MYH10: variants seen among roughly 807,000 people sequenced by gnomAD.
MYH10 encodes the protein myosin-10.
A neutral mutation model predicts 257.8 loss-of-function variants in MYH10; 55 were observed. The ratio of observed to expected loss-of-function variants is 0.21; its 90% CI spans 0.17 to 0.27. The LOEUF is 0.27. Ranked by LOEUF, MYH10 falls within the 10% of genes least tolerant of loss-of-function variation. MYH10 has a pLI of 1.00. For missense variants in MYH10, 1,631 were observed against 2,500.6 expected (o/e 0.65, Z 7.42); for synonymous variants, 854 against 921.7 (o/e 0.93, Z 1.33).
At chr17:8,543,138 C>T (rs980180429) in intron 13 of MYH10, among the ~76,000 whole-genome samples, 18 of 152,176 alleles carry the variant, frequency 1.2e-4, no homozygotes, top group African/African-American at 4.1e-4. Context: ...ACTGTTCACA[C>T]AGCTGCATGT....
Position 8,493,786 on chromosome 17 carries a change from C to T in MYH10, c.4156G>A (p.Glu1386Lys). The change falls in exon 32 of 43, where the codon GAG becomes AAG. Residue 1386 changes from glutamate to lysine, a missense_variant. Physicochemically the swap from Glu to Lys is moderately conservative, Grantham distance 56. Transcript: ENST00000360416. ...KNSLQEQQEE[E>K]EEARKNLEKQ... ...TCCAGGTTCTTCCTGGCCTCCTCCT[C>T]CTCCTCCTGCTGCTCCTGAAGACTG... is the stretch of plus-strand genomic sequence containing the variant. 6.2e-7 allele frequency: 1 copy of T among 1,614,078 alleles called. No homozygotes were observed. The highest frequency in any genetic ancestry group is 8.5e-7 in the Non-Finnish European group (1 of 1,179,992).
chr17:8,597,927 T>A (rs896767525), intron 3 of MYH10, among the ~76,000 whole-genome samples: 2 of 152,148 alleles, frequency 1.3e-5, no homozygotes, highest in Non-Finnish European at 2.9e-5. Flanking sequence ...CTACTCTGCA[T>A]TGTTTAATGG....
intron 3 of MYH10, among the ~76,000 whole-genome samples, chr17:8,589,998 G>A (rs1440501602): frequency 6.6e-6 from 1 of 152,204 alleles, no homozygotes; most frequent in Non-Finnish European, 1.5e-5. Flanking sequence ...TCTAGCACCT[G>A]TGTGTGTTCT....
chr17:8,511,033 T>TATAC (rs1555578944), intron 24 of MYH10: 3,341 of 11,786 alleles, frequency 0.28, 135 homozygotes, highest in Non-Finnish European at 0.47. Context: ...TATATATATA[T>TATAC]ATATATATAT....
chr17:8,606,144 T>A (rs1168798901), intron 2 of MYH10, among the ~76,000 whole-genome samples: 1 of 152,190 alleles, frequency 6.6e-6, no homozygotes, highest in African/African-American at 2.4e-5. Context: ...GGATCTTCAG[T>A]AAATAAAAGC....
At chr17:8,609,317 T>G (rs116503935) in intron 2 of MYH10, among the ~76,000 whole-genome samples, 98 of 151,854 alleles carry the variant, frequency 6.5e-4, no homozygotes, top group African/African-American at 2.3e-3. Flanking sequence ...ACATCCCAAC[T>G]GTAGCTCTCA....
intron 9 of MYH10, 89 bp downstream of exon 9, chr17:8,551,957 A>C (rs551507096): frequency 1.5e-6 from 1 of 664,650 alleles, no homozygotes; most frequent in Non-Finnish European, 2.3e-6. Context: ...TGTGTGTAAA[A>C]AACTGTTTCC....
chr17:8,564,953 C>G (rs530796026), intron 7 of MYH10, among the ~76,000 whole-genome samples: 1 of 152,226 alleles, frequency 6.6e-6, no homozygotes, highest in Non-Finnish European at 1.5e-5. Context: ...TCTGAAACAC[C>G]TTCTAGATGT....
At chr17:8,516,124 T>C (rs2151892079) in intron 21 of MYH10, among the ~76,000 whole-genome samples, 1 of 152,352 alleles carries the variant, frequency 6.6e-6, no homozygotes, top group East Asian at 1.9e-4. Context: ...GGCTGATTTC[T>C]ATTACACCTG....
At chr17:8,515,881 C>T (rs2081452728) in intron 21 of MYH10, among the ~76,000 whole-genome samples, 1 of 152,102 alleles carries the variant, frequency 6.6e-6, no homozygotes, top group African/African-American at 2.4e-5. Flanking sequence ...GTTTCTACTA[C>T]AAAAACAAAA....
chr17:8,502,882 A>G (rs948716617), intron 28 of MYH10, among the ~76,000 whole-genome samples: 2 of 152,192 alleles, frequency 1.3e-5, no homozygotes, highest in African/African-American at 4.8e-5. Flanking sequence ...CCCAGCTGGG[A>G]GTGGAGAGTT....
At chr17:8,606,905 T>C (rs983594505) in intron 2 of MYH10, among the ~76,000 whole-genome samples, 3 of 152,218 alleles carry the variant, frequency 2.0e-5, no homozygotes, top group African/African-American at 7.2e-5. Context: ...AGTACAGACC[T>C]GGCAAACCCT....
At chr17:8,630,101 C>A (rs964265767) in intron 1 of MYH10, among the ~76,000 whole-genome samples, 3 of 152,060 alleles carry the variant, frequency 2.0e-5, no homozygotes, top group African/African-American at 7.2e-5. Context: ...CAGCAACCCA[C>A]GCAGGGGCCC....
rs80133254 is a variant in MYH10, at chr17:8,585,703, C to A, written c.530+3378G>T. Among the ~76,000 whole-genome samples, 136 of 151,790 alleles carry A rather than the reference C, an allele frequency of 9.0e-4. 1 individual carries two copies. The highest frequency in any genetic ancestry group is 1.4e-3 in the Non-Finnish European group (93 of 67,956). ...TGAGAGAGGTGGAGGTAGGTAAGTA[C>A]GGGGGGACAGGAGAAGGAACTTTCT... On this transcript the variant is annotated intron_variant, in intron 4 of 42. Coordinates refer to ENST00000360416, the MANE Select transcript of MYH10 (RefSeq NM_001256012.3).
At chr17:8,611,466 G>C (rs1406739947) in intron 2 of MYH10, among the ~76,000 whole-genome samples, 2 of 152,030 alleles carry the variant, frequency 1.3e-5, no homozygotes, top group Admixed American at 1.3e-4. Flanking sequence ...TTATTGCCCT[G>C]GGTTACAATA....
At chr17:8,611,936 C>T (rs934476757) in intron 2 of MYH10, among the ~76,000 whole-genome samples, 1 of 152,196 alleles carries the variant, frequency 6.6e-6, no homozygotes, top group African/African-American at 2.4e-5. Context: ...TGCAGTAGTG[C>T]CCCTTATCTG....
rs929661778 is a variant in MYH10 at position 8,569,935 on chromosome 17, T to C, written c.664-123A>G. ...CATCTTTTCCTCAGTTCTTTCATTC[T>C]GTCTGCCATCCAGCAACTTTTGTTG... On this transcript the variant is annotated intron_variant, in intron 6 of 42. Transcript: ENST00000360416. The surrounding 1 kb of genome is among the most constrained non-coding windows in gnomAD (Gnocchi z 4.1). 1.5e-6 allele frequency: 1 copy of C among 686,538 alleles called. No homozygotes were observed. Among genetic ancestry groups the C allele is most frequent in the Non-Finnish European group, 2.3e-6 (1 of 434,224 alleles). The allele number at this position is 686,538 out of a possible 1,614,324, so 42.5% of individuals were successfully genotyped here. A position where few individuals can be genotyped will look rare whatever the true frequency, so the allele number is the denominator to read the frequency against.
At chr17:8,625,213 T>C (rs749955956) in intron 1 of MYH10, among the ~76,000 whole-genome samples, 4 of 152,138 alleles carry the variant, frequency 2.6e-5, no homozygotes, top group Non-Finnish European at 5.9e-5. Context: ...ATCGTGCCAC[T>C]GCACTCCAGG....
In MYH10 at chr17:8,476,981, G is replaced by C; in HGVS notation, c.5774C>G (p.Thr1925Arg). The C allele has an allele frequency of 6.2e-7, 1 of 1,614,154 alleles. No individual in the cohort carries two copies. The highest frequency in any genetic ancestry group is 1.1e-5 in the South Asian group (1 of 91,086). ...RQLEEAEEEA[T>R]RANASRRKLQ... Reference sequence around the variant, plus strand: ...TTTACGCCGAGATGCGTTGGCACGCGTCGCTTCTTCTTCTGCTTCCTCCAG... The same window carrying C: ...TTTACGCCGAGATGCGTTGGCACGCCTCGCTTCTTCTTCTGCTTCCTCCAG... The change falls in exon 42 of 43, where the codon ACG (threonine) becomes AGG (arginine). Residue 1925 changes from threonine to arginine, a missense_variant. Physicochemically the swap from Thr to Arg is moderately conservative, Grantham distance 71. Around this residue, in one of 11 missense-constraint regions of MYH10, gnomAD observed 343 missense variants for 389.5 expected, o/e 0.88. Coordinates refer to ENST00000360416, the MANE Select transcript of MYH10 (RefSeq NM_001256012.3).
Sources: allele counts gnomAD v4.1 joint callset (sites outside exome capture counted in the v4.1 genomes callset), GRCh38; gene constraint gnomAD v4.1.1; regional missense constraint gnomAD v4.1.1; non-coding constraint Gnocchi (gnomAD v3.1); transcripts MANE v1.5; gene names NCBI Gene and HGNC (gene_info 2026-07-23, HGNC 2026-07-21).